Variants in SCAPER observed in about 807,000 individuals in gnomAD.
The protein encoded by SCAPER is S-phase cyclin A associated protein in the ER.
In SCAPER, 98 loss-of-function variants were observed where a neutral mutation model predicts 182.2. The ratio of observed to expected loss-of-function variants is 0.54; its 90% CI spans 0.46 to 0.64. SCAPER has a LOEUF of 0.64. SCAPER is among the 30% of genes least tolerant of loss of function. The probability of loss-of-function intolerance (pLI) is 0.00; values close to 1 mark genes in which losing one functional copy is unlikely to be tolerated. For missense variants in SCAPER, 1,432 were observed against 1,690.0 expected (o/e 0.85, Z 2.68); for synonymous variants, 605 against 564.6 (o/e 1.07, Z -1.01).
intron 27 of SCAPER, among the ~76,000 whole-genome samples, chr15:76,399,356 T>G (rs1295116668): frequency 6.6e-6 from 1 of 152,144 alleles, no homozygotes; most frequent in Admixed American, 6.5e-5. Flanking sequence ...CAGTCTCGTC[T>G]TGAACTTCTG....
intron 7 of SCAPER, among the ~76,000 whole-genome samples, chr15:76,796,995 G>T (rs950542951): frequency 6.6e-6 from 1 of 151,998 alleles, no homozygotes; most frequent in African/African-American, 2.4e-5. Flanking sequence ...ACAGAGATAC[G>T]GCAGTAATCT....
At chr15:76,469,672 G>A (rs2049978602) in intron 25 of SCAPER, among the ~76,000 whole-genome samples, 1 of 152,102 alleles carries the variant, frequency 6.6e-6, no homozygotes, top group East Asian at 1.9e-4. Flanking sequence ...GATACACCTA[G>A]GTCTGATTCT....
chr15:76,702,848 A>C lies in SCAPER; in HGVS notation c.2400+2T>G. ...CATTACAATATTGATATAACAACCTACCAGGACATTGCAGAGAGAACACTG... is the reference window on the plus strand; with the variant it reads ...CATTACAATATTGATATAACAACCTCCCAGGACATTGCAGAGAGAACACTG... On this transcript the variant is annotated splice_donor_variant, in intron 19 of 31. Transcript: ENST00000563290. LOFTEE classifies it high-confidence loss of function. The C allele has an allele frequency of 6.2e-7, 1 of 1,600,420 alleles. No individual in the cohort carries two copies. The highest frequency in any genetic ancestry group is 8.5e-7 in the Non-Finnish European group (1 of 1,176,504).
chr15:76,656,947 G>C (rs2146632645), intron 21 of SCAPER, among the ~76,000 whole-genome samples: 1 of 152,256 alleles, frequency 6.6e-6, no homozygotes. Flanking sequence ...CAAAATCTTA[G>C]AAAGATCTCA....
intron 16 of SCAPER, among the ~76,000 whole-genome samples, chr15:76,729,670 T>C (rs2060803538): frequency 6.6e-6 from 1 of 152,194 alleles, no homozygotes; most frequent in South Asian, 2.1e-4. Context: ...CTCTGTGCCT[T>C]ACTTTTCTAG....
intron 21 of SCAPER, among the ~76,000 whole-genome samples, chr15:76,656,083 T>C (rs2055608980): frequency 6.6e-6 from 1 of 151,980 alleles, no homozygotes; most frequent in Non-Finnish European, 1.5e-5. Flanking sequence ...TAAATGAAAA[T>C]AATGCCCTCA....
At chr15:76,879,743 A>G (rs2073413905) in intron 2 of SCAPER, among the ~76,000 whole-genome samples, 2 of 152,198 alleles carry the variant, frequency 1.3e-5, no homozygotes, top group African/African-American at 4.8e-5. Flanking sequence ...GATCTTTCGA[A>G]TCCCAACTTA....
chr15:76,631,375 T>C (rs892276904), intron 21 of SCAPER, among the ~76,000 whole-genome samples: 1 of 152,230 alleles, frequency 6.6e-6, no homozygotes, highest in Non-Finnish European at 1.5e-5. Flanking sequence ...ATGTAGTTGC[T>C]TCATAATGTC....
At chr15:76,718,736 A>T (rs1403259831) in intron 17 of SCAPER, among the ~76,000 whole-genome samples, 1 of 152,184 alleles carries the variant, frequency 6.6e-6, no homozygotes, top group Non-Finnish European at 1.5e-5. Flanking sequence ...AACTGATTTT[A>T]AAATGGGTAA....
chr15:76,591,928 C>T (rs566617097), intron 22 of SCAPER, among the ~76,000 whole-genome samples: 16 of 152,136 alleles, frequency 1.1e-4, no homozygotes, highest in Non-Finnish European at 2.4e-4. Context: ...GACAGGGTGG[C>T]GCATGCCTGT....
chr15:76,697,829 A>C (rs1420297796), intron 20 of SCAPER, among the ~76,000 whole-genome samples: 7 of 152,024 alleles, frequency 4.6e-5, no homozygotes, highest in Admixed American at 2.6e-4. Context: ...TAGTAGAGAC[A>C]GGGTTTCACC....
chr15:76,767,148 AT>A, intron 10 of SCAPER, 60 bp from the exon 11 acceptor site: 1 of 1,407,462 alleles, frequency 7.1e-7, no homozygotes, highest in Non-Finnish European at 9.6e-7. Flanking sequence ...GAAAGTAATC[AT>A]TTTTTATGTT....
chr15:76,622,402 G>C (rs996778551), intron 21 of SCAPER, among the ~76,000 whole-genome samples: 10 of 150,298 alleles, frequency 6.7e-5, no homozygotes, highest in Admixed American at 3.3e-4. Flanking sequence ...ACAATCTAGA[G>C]AACAATGACA....
rs1344847825 is a variant in SCAPER at position 76,637,290 on chromosome 15, A to C, written c.2646-15461T>G. ...TAAGAGCAGAATTACTGGATCATAT[A>C]GAAATCCTATGTTTAACTTTTTGAG... On this transcript the variant is annotated intron_variant, in intron 21 of 31. Transcript: ENST00000563290. Among the ~76,000 whole-genome samples the C allele has an allele frequency of 2.0e-5, 3 of 152,186 alleles. No individual in the cohort carries two copies. In the East Asian group the frequency reaches 5.8e-4, roughly 29 times the overall value.
chr15:76,853,671 A>G (rs573568865), intron 4 of SCAPER, among the ~76,000 whole-genome samples: 1 of 152,226 alleles, frequency 6.6e-6, no homozygotes, highest in South Asian at 2.1e-4. Context: ...ATACCTCAAA[A>G]TAAAAAGAGC....
At chr15:76,747,423 A>G (rs1265351632) in intron 15 of SCAPER, among the ~76,000 whole-genome samples, 1 of 152,114 alleles carries the variant, frequency 6.6e-6, no homozygotes, top group Non-Finnish European at 1.5e-5. Flanking sequence ...AATCGCCTGG[A>G]CCCAGGAGGC....
At chr15:76,637,798 G>GTGTGTA (rs1555512980) in intron 21 of SCAPER, among the ~76,000 whole-genome samples, 1 of 132,214 alleles carries the variant, frequency 7.6e-6, no homozygotes, top group Non-Finnish European at 1.6e-5. Context: ...GTGTGTGTGT[G>GTGTGTA]TATGTATATA....
At chr15:76,358,491 G>C (rs1164567782) in intron 29 of SCAPER, among the ~76,000 whole-genome samples, 1 of 152,252 alleles carries the variant, frequency 6.6e-6, no homozygotes, top group African/African-American at 2.4e-5. Context: ...TCTGGTATCA[G>C]GGAACCAGCA....
intron 23 of SCAPER, among the ~76,000 whole-genome samples, chr15:76,522,060 T>TA (rs1456640555): frequency 6.6e-5 from 10 of 152,198 alleles, no homozygotes; most frequent in African/African-American, 2.4e-4. Flanking sequence ...AAATTACACA[T>TA]AAAAAATCAT....
Sources: allele counts gnomAD v4.1 joint callset (sites outside exome capture counted in the v4.1 genomes callset), GRCh38; gene constraint gnomAD v4.1.1; transcripts MANE v1.5; gene names NCBI Gene and HGNC (gene_info 2026-07-23, HGNC 2026-07-21).